The following RBFOX1 variants were observed in gnomAD, a reference collection of about 807,000 sequenced individuals.
RBFOX1 encodes the protein RNA binding protein fox-1 homolog 1.
A neutral mutation model predicts 57.7 loss-of-function variants in RBFOX1; 8 were observed. That is an observed-to-expected ratio of 0.14 (90% confidence interval 0.08 to 0.25). The LOEUF is 0.25. Among genes scored for constraint, RBFOX1 ranks in the 10% least tolerant of loss-of-function variants. RBFOX1 has a pLI of 1.00. For missense variants in RBFOX1, 611 were observed against 548.5 expected (o/e 1.11, Z -1.14); for synonymous variants, 326 against 222.4 (o/e 1.47, Z -4.15).
rs12921216 is a variant in RBFOX1, at chr16:6,407,841, G to A, written c.-64+90784G>A. On this transcript the variant is annotated intron_variant, in intron 2 of 15. Transcript: ENST00000550418. ...CACGCAGCATACATGGACCGTAGGT[G>A]TGGACCCCAGCCTTTGTGAGTAGAT... Among the ~76,000 whole-genome samples, 4 of 152,004 alleles carry A rather than the reference G, an allele frequency of 2.6e-5. No homozygotes were observed. In the East Asian group the frequency reaches 7.8e-4, roughly 29 times the overall value.
At chr16:5,415,597 G>A (rs2067140171) in intron 1 of RBFOX1, among the ~76,000 whole-genome samples, 3 of 152,130 alleles carry the variant, frequency 2.0e-5, no homozygotes, top group Admixed American at 2.0e-4. Flanking sequence ...AGTCTTGGCA[G>A]GCAATAGCAC....
In RBFOX1 at chr16:7,438,179, G is replaced by A. The variant is rs117457513; in HGVS notation, c.28-79968G>A. Among the ~76,000 whole-genome samples the A allele has an allele frequency of 3.3e-5, 5 of 152,260 alleles. No homozygotes were observed. The East Asian group carries it at 9.6e-4, about 29-fold the overall frequency. On this transcript the variant is annotated intron_variant, in intron 4 of 15. Transcript: ENST00000550418. ...AAGATTATATAAGAAAAATCAGAAT[G>A]GTTAATGTTAATTTACTAACCAGGG...
chr16:7,199,066 T>A (rs749788500), intron 4 of RBFOX1, among the ~76,000 whole-genome samples: 52 of 152,134 alleles, frequency 3.4e-4, no homozygotes, highest in Non-Finnish European at 4.9e-4. Context: ...AAGAATATCA[T>A]CACCACAGGT....
chr16:7,019,516 A>T (rs1049734412), intron 3 of RBFOX1, among the ~76,000 whole-genome samples: 1 of 152,102 alleles, frequency 6.6e-6, no homozygotes, highest in African/African-American at 2.4e-5. Context: ...CCCTGAGCCC[A>T]TGGTCCTCTC....
intron 2 of RBFOX1, among the ~76,000 whole-genome samples, chr16:5,567,130 C>G (rs1422113758): frequency 6.6e-6 from 1 of 152,176 alleles, no homozygotes; most frequent in African/African-American, 2.4e-5. Flanking sequence ...AACAGAAAGG[C>G]CTTGTGAACA....
chr16:6,856,308 A>G (rs117290501), intron 3 of RBFOX1, among the ~76,000 whole-genome samples: 1 of 152,134 alleles, frequency 6.6e-6, no homozygotes, highest in African/African-American at 2.4e-5. Flanking sequence ...TAGGAGTTCT[A>G]TTCCCAATTC....
chr16:6,557,833 G>T (rs1016376406), intron 2 of RBFOX1, among the ~76,000 whole-genome samples: 1 of 152,200 alleles, frequency 6.6e-6, no homozygotes, highest in Non-Finnish European at 1.5e-5. Context: ...AAGTAGATTT[G>T]TAGGCTAATT....
Position 7,275,227 on chromosome 16 carries a change from C to G in RBFOX1, c.27+223129C>G, listed in dbSNP as rs532902918. On this transcript the variant is annotated intron_variant, in intron 4 of 15. Coordinates refer to ENST00000550418, the MANE Select transcript of RBFOX1 (RefSeq NM_018723.4). ...GACATCACATGCTACACTACTAACT[C>G]ATTCAAAAATAGCATTGTGCCATTG... Among the ~76,000 whole-genome samples the G allele has an allele frequency of 2.0e-5, 3 of 152,162 alleles. No homozygotes were observed. In the South Asian group the frequency reaches 6.2e-4, roughly 32 times the overall value.
chr16:5,289,235 C>A (rs1302657846), intron 1 of RBFOX1: 5 of 369,170 alleles, frequency 1.4e-5, no homozygotes, highest in Non-Finnish European at 2.1e-5. Context: ...TGACTGGGCA[C>A]CATCATGAGA....
At chr16:7,305,062 G>A (rs1006867535) in intron 4 of RBFOX1, among the ~76,000 whole-genome samples, 1 of 151,542 alleles carries the variant, frequency 6.6e-6, no homozygotes, top group African/African-American at 2.4e-5. Context: ...CACTGGCAAT[G>A]CTGTGAAGAA....
intron 1 of RBFOX1, among the ~76,000 whole-genome samples, chr16:5,456,075 G>C (rs1422999102): frequency 6.6e-6 from 1 of 151,592 alleles, no homozygotes; most frequent in Non-Finnish European, 1.5e-5. Context: ...AAGAAATAAA[G>C]ACAACTAATG....
intron 1 of RBFOX1, among the ~76,000 whole-genome samples, chr16:6,261,511 A>G (rs1461271509): frequency 6.6e-6 from 1 of 152,222 alleles, no homozygotes; most frequent in Non-Finnish European, 1.5e-5. Context: ...GCAGACAAAC[A>G]GAAACAGGCT....
intron 3 of RBFOX1, among the ~76,000 whole-genome samples, chr16:5,829,895 T>A (rs1234240534): frequency 6.6e-6 from 1 of 152,134 alleles, no homozygotes; most frequent in African/African-American, 2.4e-5. Context: ...CTTTGGTTTT[T>A]TTTTCCCCTT....
chr16:7,186,434 A>G (rs926874740), intron 4 of RBFOX1, among the ~76,000 whole-genome samples: 1 of 122,480 alleles, frequency 8.2e-6, no homozygotes, highest in South Asian at 2.8e-4. Flanking sequence ...ATAAACATAA[A>G]CATATTTATA....
At chr16:5,643,322 C>T (rs552505471) in intron 3 of RBFOX1, among the ~76,000 whole-genome samples, 57 of 152,246 alleles carry the variant, frequency 3.7e-4, no homozygotes, top group African/African-American at 1.3e-3. Flanking sequence ...GGTGTGGCTG[C>T]CCCCTGCTCA....
At chr16:6,134,607 G>A (rs2096652798) in intron 1 of RBFOX1, among the ~76,000 whole-genome samples, 1 of 152,096 alleles carries the variant, frequency 6.6e-6, no homozygotes, top group Non-Finnish European at 1.5e-5. Flanking sequence ...GACAGGCAGT[G>A]AGGGGGTGAA....
chr16:5,511,684 A>G (rs566753204), intron 2 of RBFOX1, among the ~76,000 whole-genome samples: 1 of 152,334 alleles, frequency 6.6e-6, no homozygotes, highest in East Asian at 1.9e-4. Flanking sequence ...CAACTAGCCC[A>G]GAGTTGCACA....
In RBFOX1 at chr16:7,195,029, ATTG is replaced by A. The variant is rs1203995054; in HGVS notation, c.27+142934_27+142936del. Among the ~76,000 whole-genome samples the A allele has an allele frequency of 1.3e-4, 19 of 147,736 alleles. No homozygotes were observed. In the South Asian group the frequency reaches 2.2e-3, roughly 17 times the overall value. Reference sequence around the variant, plus strand: ...TTGATTGGTTCTTAATTAGTTGTTTATTGTTCTTCTAATTCTAGCAACAAAACT... The same window carrying A: ...TTGATTGGTTCTTAATTAGTTGTTTATTCTTCTAATTCTAGCAACAAAACT... On this transcript the variant is annotated intron_variant, in intron 4 of 15. Coordinates refer to ENST00000550418, the MANE Select transcript of RBFOX1 (RefSeq NM_018723.4).
intron 3 of RBFOX1, among the ~76,000 whole-genome samples, chr16:5,618,258 C>T (rs960875406): frequency 2.0e-5 from 3 of 152,152 alleles, no homozygotes; most frequent in Non-Finnish European, 4.4e-5. Flanking sequence ...GTTTCCTTTG[C>T]TGTGATGATG....
Sources: gnomAD v4.1 joint callset for allele counts (sites outside exome capture counted in the v4.1 genomes callset) on GRCh38, gnomAD v4.1.1 for gene constraint, MANE v1.5 for transcripts, NCBI Gene and HGNC (gene_info 2026-07-23, HGNC 2026-07-21) for gene names.